The following ROBO2 variants were observed in gnomAD, a reference collection of about 807,000 sequenced individuals.
ROBO2 encodes the protein roundabout homolog 2.
Under a neutral mutation model 160.8 loss-of-function variants are expected in ROBO2, and 53 were observed. The observed-to-expected ratio is 0.33, with a 90% CI of 0.26 to 0.41. The LOEUF (loss-of-function observed/expected upper bound fraction) is 0.41, where lower values mean the gene tolerates loss of function less well. Among genes scored for constraint, ROBO2 ranks in the 10% least tolerant of loss-of-function variants. ROBO2 has a pLI of 1.00. For missense variants in ROBO2, 1,577 were observed against 1,722.4 expected, an observed-to-expected ratio of 0.92 and a Z score of 1.49; for synonymous variants, 664 against 611.7, an observed-to-expected ratio of 1.09 and a Z score of -1.26.
At chr3:76,588,224 C>G (rs1239539669) in intron 2 of ROBO2, among the ~76,000 whole-genome samples, 1 of 152,120 alleles carries the variant, frequency 6.6e-6, no homozygotes, top group Admixed American at 6.5e-5. Flanking sequence ...GAGTTTATAG[C>G]AGTATGTGAC....
chr3:76,745,976 C>T (rs1315954074), intron 2 of ROBO2, among the ~76,000 whole-genome samples: 1 of 118,820 alleles, frequency 8.4e-6, no homozygotes. Flanking sequence ...AATGCTATCC[C>T]TCCCTCCTTC....
At chr3:77,152,381 T>C (rs892528402) in intron 2 of ROBO2, among the ~76,000 whole-genome samples, 11 of 152,200 alleles carry the variant, frequency 7.2e-5, no homozygotes, top group African/African-American at 2.7e-4. Context: ...TAATGAAATA[T>C]GTTCATTCTT....
At chr3:76,515,578 T>C (rs926851298) in intron 2 of ROBO2, among the ~76,000 whole-genome samples, 1 of 152,144 alleles carries the variant, frequency 6.6e-6, no homozygotes, top group Non-Finnish European at 1.5e-5. Context: ...GCTTTTGCTC[T>C]CTATTGTGTA....
upstream of ROBO2, among the ~76,000 whole-genome samples, chr3:77,038,615 G>C (rs1034595930): frequency 2.0e-5 from 3 of 151,978 alleles, no homozygotes; most frequent in African/African-American, 2.4e-5. Context: ...AGCTCGGCTC[G>C]GGGACCTGCG....
At chr3:76,764,364 A>G (rs534948999) in intron 2 of ROBO2, among the ~76,000 whole-genome samples, 1 of 151,850 alleles carries the variant, frequency 6.6e-6, no homozygotes, top group South Asian at 2.1e-4. Flanking sequence ...ATTCTATTGT[A>G]ACTGTATGCA....
At chr3:77,441,454 G>A (rs909635616) in intron 2 of ROBO2, among the ~76,000 whole-genome samples, 25 of 152,140 alleles carry the variant, frequency 1.6e-4, no homozygotes, top group African/African-American at 6.0e-4. Flanking sequence ...TGATAACAGT[G>A]TCATGTAAAA....
chr3:76,729,349 A>G (rs1180466286), intron 2 of ROBO2, among the ~76,000 whole-genome samples: 1 of 152,146 alleles, frequency 6.6e-6, no homozygotes, highest in African/African-American at 2.4e-5. Context: ...ATTGACTCTG[A>G]AAACAATGTG....
intron 2 of ROBO2, among the ~76,000 whole-genome samples, chr3:76,925,316 G>T (rs1050921394): frequency 2.6e-5 from 4 of 151,956 alleles, no homozygotes; most frequent in African/African-American, 9.7e-5. Flanking sequence ...AGACTTGCAG[G>T]TTCTGATTTG....
At chr3:77,609,791 C>CATATATATATATATATATAT (rs34908269) in intron 21 of ROBO2, among the ~76,000 whole-genome samples, 102 of 143,662 alleles carry the variant, frequency 7.1e-4, no homozygotes, top group African/African-American at 2.5e-3. Context: ...TTTATATATA[C>CATATATATATATATATATAT]ATATATATAT....
intron 2 of ROBO2, among the ~76,000 whole-genome samples, chr3:76,232,376 A>G (rs1704671442): frequency 6.6e-6 from 1 of 152,222 alleles, no homozygotes; most frequent in Non-Finnish European, 1.5e-5. Context: ...CGGTCAATAC[A>G]GATCAACTAA....
chr3:77,235,446 G>A (rs1022779150), intron 2 of ROBO2, among the ~76,000 whole-genome samples: 4 of 151,218 alleles, frequency 2.6e-5, no homozygotes, highest in East Asian at 1.9e-4. Flanking sequence ...TCTGCCTCCC[G>A]GGTTCACGCC....
At chr3:75,911,060 T>C (rs1489611602) in intron 1 of ROBO2, among the ~76,000 whole-genome samples, 2 of 151,802 alleles carry the variant, frequency 1.3e-5, no homozygotes, top group Non-Finnish European at 2.9e-5. Context: ...GAGTGAAAAA[T>C]GTAGTTTTTT....
In ROBO2 at chr3:75,919,004, C is replaced by G. The variant is rs150084073; in HGVS notation, c.-14+12044C>G. Among the ~76,000 whole-genome samples, 238 of 152,248 alleles carry G rather than the reference C, an allele frequency of 1.6e-3. 1 individual carries two copies. The highest frequency in any genetic ancestry group is 5.5e-3 in the African/African-American group (229 of 41,552). ...GCAAACAGAGACAATTTGATTTCCT[C>G]TCTTCCTATTTGCATACCTTTTATT... On this transcript the variant is annotated intron_variant, in intron 1 of 26. Coordinates refer to the ROBO2 transcript ENST00000487694.
intron 2 of ROBO2, among the ~76,000 whole-genome samples, chr3:77,237,554 T>C (rs2088257685): frequency 6.6e-6 from 1 of 151,998 alleles, no homozygotes; most frequent in Non-Finnish European, 1.5e-5. Flanking sequence ...CATGAACCAC[T>C]GCACCTGGTG....
intron 2 of ROBO2, among the ~76,000 whole-genome samples, chr3:76,278,924 A>G (rs1224167578): frequency 1.3e-5 from 2 of 151,870 alleles, no homozygotes; most frequent in South Asian, 2.1e-4. Context: ...CTCCTACCCA[A>G]TGCCTGAGAG....
At chr3:76,091,684 T>G (rs763483264) in intron 2 of ROBO2, among the ~76,000 whole-genome samples, 1 of 152,174 alleles carries the variant, frequency 6.6e-6, no homozygotes, top group Non-Finnish European at 1.5e-5. Flanking sequence ...TAAGATTTCC[T>G]TCGGTAATTG....
At chr3:77,565,240 G>C in intron 12 of ROBO2, 120 bp downstream of exon 13, 1 of 1,126,138 alleles carries the variant, frequency 8.9e-7, no homozygotes, top group Non-Finnish European at 1.3e-6. Flanking sequence ...GGCTCACTAG[G>C]CTTTATCCAG....
At chr3:76,973,263 T>A (rs1298543293) in intron 2 of ROBO2, among the ~76,000 whole-genome samples, 1 of 152,162 alleles carries the variant, frequency 6.6e-6, no homozygotes, top group Non-Finnish European at 1.5e-5. Context: ...TTAGGCCAAG[T>A]CCTAGCAACT....
chr3:76,325,295 A>C (rs2072919238), intron 2 of ROBO2, among the ~76,000 whole-genome samples: 1 of 152,240 alleles, frequency 6.6e-6, no homozygotes, highest in Admixed American at 6.5e-5. Context: ...AAAAAGAGCC[A>C]GTTAGCAGAA....
Sources: allele counts gnomAD v4.1 joint callset (sites outside exome capture counted in the v4.1 genomes callset), GRCh38; gene constraint gnomAD v4.1.1; transcripts MANE v1.5; gene names NCBI Gene and HGNC (gene_info 2026-07-23, HGNC 2026-07-21).